PKD2L2: variants seen among roughly 807,000 people sequenced by gnomAD.
PKD2L2 encodes the protein polycystin 2 like 2, transient receptor potential cation channel.
In PKD2L2, 67 loss-of-function variants were observed where a neutral mutation model predicts 83.9. That is an observed-to-expected ratio of 0.80 (90% confidence interval 0.66 to 0.98). PKD2L2 has a LOEUF of 0.98. Among genes scored for constraint, PKD2L2 ranks in the 50% least tolerant of loss-of-function variants. The pLI is 0.00. For missense variants in PKD2L2, 632 were observed against 717.2 expected, an observed-to-expected ratio of 0.88 and a Z score of 1.36; for synonymous variants, 223 against 237.8, an observed-to-expected ratio of 0.94 and a Z score of 0.57.
intron 5 of PKD2L2, among the ~76,000 whole-genome samples, chr5:137,904,580 G>GA (rs757861832): frequency 1.3e-5 from 2 of 152,088 alleles, no homozygotes; most frequent in Non-Finnish European, 2.9e-5. Context: ...CACATGGACA[G>GA]AAAAGGGGGA....
At chr5:137,908,978 T>C (rs1255030941) in intron 8 of PKD2L2, 32 bp downstream of exon 8, 1 of 1,330,924 alleles carries the variant, frequency 7.5e-7, no homozygotes, top group Non-Finnish European at 1.0e-6. Flanking sequence ...AATTATATCT[T>C]CTATATTTTC....
intron 14 of PKD2L2, chr5:137,938,645 C>T (rs955779895): frequency 3.3e-5 from 5 of 152,300 alleles, no homozygotes; most frequent in Non-Finnish European, 2.9e-5. Context: ...GGTTTTCCCT[C>T]ACCCCCCACC....
intron 4 of PKD2L2, among the ~76,000 whole-genome samples, chr5:137,897,821 G>A (rs1756609266): frequency 6.6e-6 from 1 of 152,096 alleles, no homozygotes; most frequent in Admixed American, 6.5e-5. Context: ...GTTATTAGTA[G>A]AACAGGTTTA....
At chr5:137,923,016 CTTT>C (rs576285427) in intron 9 of PKD2L2, among the ~76,000 whole-genome samples, 2 of 139,272 alleles carry the variant, frequency 1.4e-5, no homozygotes, top group Non-Finnish European at 3.1e-5. Flanking sequence ...TTTTTCTTTT[CTTT>C]TTTTTTTTTT....
At position 137,916,615 on chromosome 5, in the gene PKD2L2, A is replaced by G. The variant is rs534395890; in HGVS notation, c.1329-5021A>G. Among the ~76,000 whole-genome samples, 5 of 150,596 alleles carry G rather than the reference A, an allele frequency of 3.3e-5. 1 individual carries two copies. The South Asian group carries it at 6.3e-4, about 19-fold the overall frequency. Reference sequence around the variant, plus strand: ...GTGCCTCAGCCTCCCAAGTAGCTAGAGTTACAGATGCGCACCACCACACCC... The same window carrying G: ...GTGCCTCAGCCTCCCAAGTAGCTAGGGTTACAGATGCGCACCACCACACCC... On this transcript the variant is annotated intron_variant, in intron 8 of 14. Coordinates refer to ENST00000508883, the MANE Select transcript of PKD2L2 (RefSeq NM_001300921.2).
At chr5:137,896,273 A>G (rs1038481189) in intron 4 of PKD2L2, among the ~76,000 whole-genome samples, 6 of 152,000 alleles carry the variant, frequency 3.9e-5, no homozygotes, top group Non-Finnish European at 8.8e-5. Flanking sequence ...ACCCTTTCCT[A>G]CTCATAATTT....
intron 3 of PKD2L2, 101 bp from the exon 4 acceptor site, chr5:137,894,251 GT>G (rs1164771395): frequency 9.5e-7 from 1 of 1,052,044 alleles, no homozygotes; most frequent in Admixed American, 2.3e-5. Context: ...TTGGTCAATA[GT>G]TTGATTTTCA....
chr5:137,889,579 C>G, intron 1 of PKD2L2, 57 bp downstream of exon 1: 1 of 1,431,124 alleles, frequency 7.0e-7, no homozygotes, highest in Non-Finnish European at 9.3e-7. Context: ...GTTCCAGACA[C>G]CCTGAAAGGA....
Position 137,914,584 on chromosome 5 carries a change from C to A in PKD2L2, c.1328+5638C>A, listed in dbSNP as rs549001474. Among the ~76,000 whole-genome samples the A allele has an allele frequency of 2.0e-5, 3 of 152,272 alleles. No homozygotes were observed. The South Asian group carries it at 6.2e-4, about 32-fold the overall frequency. ...AGGTCATATCATCTGCAAAGAAAGACAATTACTGCTTCCTTTCCAGTGTGG... is the reference window on the plus strand; with the variant it reads ...AGGTCATATCATCTGCAAAGAAAGAAAATTACTGCTTCCTTTCCAGTGTGG... On this transcript the variant is annotated intron_variant, in intron 8 of 14. Coordinates refer to ENST00000508883, the MANE Select transcript of PKD2L2 (RefSeq NM_001300921.2).
intron 1 of PKD2L2, chr5:137,890,101 G>C (rs961732717): frequency 6.0e-6 from 1 of 167,374 alleles, no homozygotes; most frequent in Non-Finnish European, 1.3e-5. Context: ...TGGCCAACAT[G>C]GTGAAACCCC....
chr5:137,927,376 C>T (rs1464522979), intron 12 of PKD2L2, among the ~76,000 whole-genome samples: 1 of 152,122 alleles, frequency 6.6e-6, no homozygotes, highest in Non-Finnish European at 1.5e-5. Context: ...TACAAAATAA[C>T]TGGCCTGTTC....
chr5:137,898,979 A>G (rs187639185), intron 4 of PKD2L2, among the ~76,000 whole-genome samples: 1 of 152,360 alleles, frequency 6.6e-6, no homozygotes, highest in African/African-American at 2.4e-5. Flanking sequence ...TTAAAAAGTA[A>G]AAACTACATT....
intron 5 of PKD2L2, among the ~76,000 whole-genome samples, chr5:137,905,447 T>C (rs1250020514): frequency 6.6e-6 from 1 of 152,192 alleles, no homozygotes; most frequent in Non-Finnish European, 1.5e-5. Flanking sequence ...AACTGAGGTT[T>C]TGTTTTTGTT....
chr5:137,921,443 C>T (rs1758895513), intron 8 of PKD2L2, among the ~76,000 whole-genome samples, 193 bp from the exon 9 acceptor site: 2 of 151,848 alleles, frequency 1.3e-5, no homozygotes, highest in Non-Finnish European at 2.9e-5. Context: ...ATTCAGCTAT[C>T]GAGGTACCTT....
At chr5:137,928,852 G>A (rs1759602857) in intron 12 of PKD2L2, among the ~76,000 whole-genome samples, 1 of 152,172 alleles carries the variant, frequency 6.6e-6, no homozygotes, top group Admixed American at 6.5e-5. Context: ...TTACAGGCAT[G>A]AGCGAGCCAC....
chr5:137,938,492 T>C (rs1581016200), intron 14 of PKD2L2: 1 of 152,606 alleles, frequency 6.6e-6, no homozygotes. Flanking sequence ...TGGATTCAAA[T>C]AAAAATGATA....
At position 137,908,793 on chromosome 5, in the gene PKD2L2, C is replaced by T. The variant is rs1459122484; in HGVS notation, c.1175C>T (p.Thr392Ile). Reference protein sequence around the residue: ...KIFKFISFNKTMSQLSSTLSR... With the variant: ...KIFKFISFNKIMSQLSSTLSR... Reference sequence around the variant, plus strand: ...TTCAAATTCATAAGCTTTAACAAGACAATGTCTCAGCTGTCATCAACCTTG... The same window carrying T: ...TTCAAATTCATAAGCTTTAACAAGATAATGTCTCAGCTGTCATCAACCTTG... The change falls in exon 8 of 15, where the codon ACA (threonine) becomes ATA (isoleucine). Residue 392 changes from threonine (T) to isoleucine (I), a missense_variant. Coordinates refer to ENST00000508883, the MANE Select transcript of PKD2L2 (RefSeq NM_001300921.2). 4 of 1,570,948 alleles carry T rather than the reference C, an allele frequency of 2.5e-6. No individual in the cohort carries two copies. The highest frequency in any genetic ancestry group is 1.8e-5 in the Admixed American group (1 of 54,380).
At chr5:137,907,666 G>T (rs1757472028) in intron 6 of PKD2L2, 76 bp from the exon 7 acceptor site, 1 of 811,324 alleles carries the variant, frequency 1.2e-6, no homozygotes, top group Non-Finnish European at 1.8e-6. Flanking sequence ...AACTTTTTTT[G>T]TGTTTCCTCA....
chr5:137,929,299 T>C (rs1466025686), intron 12 of PKD2L2, among the ~76,000 whole-genome samples: 1 of 151,378 alleles, frequency 6.6e-6, no homozygotes, highest in African/African-American at 2.4e-5. Flanking sequence ...CTGTCTCTAC[T>C]AAAAATTAAA....
Sources: gnomAD v4.1 joint callset for allele counts (sites outside exome capture counted in the v4.1 genomes callset) on GRCh38, gnomAD v4.1.1 for gene constraint, MANE v1.5 for transcripts, NCBI Gene and HGNC (gene_info 2026-07-23, HGNC 2026-07-21) for gene names.